RXFP1: variants seen among roughly 807,000 people sequenced by gnomAD.
RXFP1 encodes the protein relaxin receptor 1.
A neutral mutation model predicts 89.8 loss-of-function variants in RXFP1; 73 were observed. The ratio of observed to expected loss-of-function variants is 0.81; its 90% confidence interval spans 0.67 to 0.99. The LOEUF (loss-of-function observed/expected upper bound fraction) is 0.99. Among genes scored for constraint, RXFP1 ranks in the 50% least tolerant of loss-of-function variants. The pLI is 0.00. For missense variants in RXFP1, 793 were observed against 895.5 expected, an observed-to-expected ratio of 0.89 and a Z score of 1.46; for synonymous variants, 277 against 305.5, an observed-to-expected ratio of 0.91 and a Z score of 0.97.
At chr4:158,639,125 G>A in intron 13 of RXFP1, 135 bp from the exon 14 acceptor site, 1 of 557,018 alleles carries the variant, frequency 1.8e-6, no homozygotes, top group East Asian at 2.9e-5. Context: ...AAGTGGGTGG[G>A]TTGAGTATAA....
At chr4:158,608,663 C>G (rs1030759686) in intron 6 of RXFP1, among the ~76,000 whole-genome samples, 1 of 151,968 alleles carries the variant, frequency 6.6e-6, no homozygotes, top group African/African-American at 2.4e-5. Flanking sequence ...TTAAGTAAAC[C>G]ATTCAGTGGC....
chr4:158,573,058 G>T (rs1022752405), intron 2 of RXFP1: 9 of 516,340 alleles, frequency 1.7e-5, no homozygotes, highest in Non-Finnish European at 2.8e-5. Flanking sequence ...TGCCAGTCTG[G>T]AGTGCAGTGG....
At chr4:158,581,656 C>T (rs1010947036) in intron 2 of RXFP1, among the ~76,000 whole-genome samples, 6 of 151,790 alleles carry the variant, frequency 4.0e-5, no homozygotes, top group Non-Finnish European at 7.4e-5. Context: ...TACATTTTAC[C>T]TCATTTAATC....
At position 158,612,302 on chromosome 4, in the gene RXFP1, A is replaced by G. The variant is rs774165462; in HGVS notation, c.620A>G (p.Asp207Gly). Residue 207 changes from aspartate to glycine, a missense_variant, in exon 8 of 18, where the codon GAT becomes GGT. Transcript: ENST00000307765. ...CTTCTGGCTGTCAGGATAATTGAAG[A>G]TAATCACCTCAGTCGAATTTCCCCA... ...LHRLEWLIIE[D>G]NHLSRISPPT... 7 of 1,612,198 alleles carry G rather than the reference A, an allele frequency of 4.3e-6. No homozygotes were observed. The highest frequency in any genetic ancestry group is 5.9e-6 in the Non-Finnish European group (7 of 1,178,998).
chr4:158,560,473 G>A (rs1752209870), intron 1 of RXFP1, among the ~76,000 whole-genome samples: 1 of 152,138 alleles, frequency 6.6e-6, no homozygotes, highest in South Asian at 2.1e-4. Context: ...GCTTTTTCAT[G>A]TCTGGAATGA....
At chr4:158,590,863 G>A (rs945735344) in intron 2 of RXFP1, among the ~76,000 whole-genome samples, 1 of 152,194 alleles carries the variant, frequency 6.6e-6, no homozygotes, top group African/African-American at 2.4e-5. Context: ...GGAAAAATGT[G>A]TTTGTAGAAT....
intron 17 of RXFP1, among the ~76,000 whole-genome samples, chr4:158,649,252 C>T (rs1213649188): frequency 2.0e-5 from 3 of 152,046 alleles, no homozygotes; most frequent in Non-Finnish European, 4.4e-5. Flanking sequence ...AATGAGTGAC[C>T]AAAATAAATT....
intron 10 of RXFP1, 45 bp from the exon 11 acceptor site, chr4:158,628,593 C>T (rs760892895): frequency 2.0e-5 from 18 of 906,846 alleles, no homozygotes; most frequent in Non-Finnish European, 2.8e-5. Context: ...TAATTCTTGT[C>T]GGTTACCTAA....
chr4:158,523,371 G>C (rs566688680), intron 1 of RXFP1, among the ~76,000 whole-genome samples: 1 of 152,098 alleles, frequency 6.6e-6, no homozygotes, highest in Non-Finnish European at 1.5e-5. Context: ...GTATATAAAA[G>C]GTGTTTAGGG....
At chr4:158,567,894 T>C (rs949804331) in intron 1 of RXFP1, among the ~76,000 whole-genome samples, 2 of 152,348 alleles carry the variant, frequency 1.3e-5, no homozygotes, top group South Asian at 2.1e-4. Flanking sequence ...CGCTCGGGTC[T>C]CCTTCCAGCT....
At chr4:158,622,182 G>T (rs985382461) in intron 9 of RXFP1, among the ~76,000 whole-genome samples, 1 of 151,990 alleles carries the variant, frequency 6.6e-6, no homozygotes. Context: ...ATGGTGGCAG[G>T]CACCTGTAAT....
rs566868142 is a variant in RXFP1, at chr4:158,578,440, C to A, written c.187+5605C>A. ...TACATCTGGGTAAATAACAAAGGAACCTGATAACAAAAAGTTGAGGGTTCT... is the reference window on the plus strand; with the variant it reads ...TACATCTGGGTAAATAACAAAGGAAACTGATAACAAAAAGTTGAGGGTTCT... On this transcript the variant is annotated intron_variant, in intron 2 of 17. Transcript: ENST00000307765. Among the ~76,000 whole-genome samples the A allele has an allele frequency of 6.6e-5, 10 of 152,260 alleles. No homozygotes were observed. The East Asian group carries it at 1.2e-3, about 18-fold the overall frequency.
Position 158,593,503 on chromosome 4 carries a change from A to G in RXFP1, c.286+4A>G. 1 of 1,538,358 alleles carries G rather than the reference A, an allele frequency of 6.5e-7. No homozygotes were observed. Among genetic ancestry groups the G allele is most frequent in the Non-Finnish European group, 9.0e-7 (1 of 1,114,732 alleles). On this transcript the variant is annotated splice_donor_region_variant and intron_variant, in intron 3 of 17. Transcript: ENST00000307765. Reference sequence around the variant, plus strand: ...GAGGCAGAAACACCTGAATGTTGTAAGTAATCAGAGCAGTTATTTTCTTTT... The same window carrying G: ...GAGGCAGAAACACCTGAATGTTGTAGGTAATCAGAGCAGTTATTTTCTTTT...
chr4:158,521,716 G>T, upstream of RXFP1: 1 of 475,152 alleles, frequency 2.1e-6, no homozygotes, highest in Non-Finnish European at 3.7e-6. Flanking sequence ...GCGCACGCGT[G>T]CGTGTGTGTA....
intron 1 of RXFP1, among the ~76,000 whole-genome samples, chr4:158,549,879 G>T (rs887764767): frequency 7.9e-5 from 12 of 152,204 alleles, no homozygotes; most frequent in Non-Finnish European, 1.6e-4. Flanking sequence ...GTGCCTCCCA[G>T]TTAGGCTGCT....
At chr4:158,525,823 C>A (rs1410692315) in intron 1 of RXFP1, among the ~76,000 whole-genome samples, 1 of 152,184 alleles carries the variant, frequency 6.6e-6, no homozygotes, top group African/African-American at 2.4e-5. Flanking sequence ...GCATTCCTGG[C>A]ACCACTTCTT....
intron 4 of RXFP1, among the ~76,000 whole-genome samples, chr4:158,602,454 A>T (rs2150100788): frequency 6.6e-6 from 1 of 152,226 alleles, no homozygotes; most frequent in Non-Finnish European, 1.5e-5. Flanking sequence ...AGGTCCTGTT[A>T]TCTACCTGAA....
intron 1 of RXFP1, among the ~76,000 whole-genome samples, chr4:158,546,042 G>A (rs1239390918): frequency 1.3e-5 from 2 of 152,088 alleles, no homozygotes; most frequent in Non-Finnish European, 2.9e-5. Flanking sequence ...ACCTTGGGCA[G>A]TATGGCCATT....
intron 17 of RXFP1, among the ~76,000 whole-genome samples, chr4:158,649,423 G>A (rs1561211613): frequency 6.6e-6 from 1 of 152,030 alleles, no homozygotes; most frequent in Non-Finnish European, 1.5e-5. Flanking sequence ...CAGAGTGTGA[G>A]AGATAATAGA....
Sources: gnomAD v4.1 joint callset for allele counts (sites outside exome capture counted in the v4.1 genomes callset) on GRCh38, gnomAD v4.1.1 for gene constraint, MANE v1.5 for transcripts, NCBI Gene and HGNC (gene_info 2026-07-23, HGNC 2026-07-21) for gene names.